Variants in STXBP5L observed in about 807,000 individuals in gnomAD.
STXBP5L encodes the protein syntaxin binding protein 5L.
A neutral mutation model predicts 144.5 loss-of-function variants in STXBP5L; 65 were observed. The observed-to-expected ratio is 0.45, with a 90% CI of 0.37 to 0.55. STXBP5L has a LOEUF of 0.55. STXBP5L is among the 20% of genes least tolerant of loss of function. The probability of loss-of-function intolerance (pLI) is 0.00; values close to 1 mark genes in which losing one functional copy is unlikely to be tolerated. For missense variants in STXBP5L, 1,298 were observed against 1,405.5 expected, an observed-to-expected ratio of 0.92 and a Z score of 1.22; for synonymous variants, 505 against 469.6, an observed-to-expected ratio of 1.08 and a Z score of -0.97.
chr3:121,358,600 C>T (rs893234250), intron 20 of STXBP5L, among the ~76,000 whole-genome samples: 2 of 152,190 alleles, frequency 1.3e-5, no homozygotes, highest in African/African-American at 2.4e-5. Context: ...TCACCTCCCA[C>T]CAGGCCCCAC....
At chr3:120,984,543 G>A (rs1942104294) in intron 3 of STXBP5L, among the ~76,000 whole-genome samples, 2 of 150,806 alleles carry the variant, frequency 1.3e-5, no homozygotes, top group African/African-American at 2.4e-5. Context: ...GAATCTTTAG[G>A]GTTTTACATA....
chr3:120,962,754 A>G (rs1559917143), intron 3 of STXBP5L, among the ~76,000 whole-genome samples: 1 of 152,220 alleles, frequency 6.6e-6, no homozygotes, highest in Non-Finnish European at 1.5e-5. Context: ...TGTCTTGGCA[A>G]TGCAGGCCCT....
intron 20 of STXBP5L, among the ~76,000 whole-genome samples, chr3:121,328,216 A>G (rs1459447902): frequency 6.6e-6 from 1 of 152,178 alleles, no homozygotes; most frequent in African/African-American, 2.4e-5. Context: ...CTTGCCAATT[A>G]AGTTTAATAA....
intron 9 of STXBP5L, among the ~76,000 whole-genome samples, chr3:121,196,087 T>A (rs2047907652): frequency 6.6e-6 from 1 of 152,108 alleles, no homozygotes; most frequent in Admixed American, 6.6e-5. Context: ...CTGTAGAGTA[T>A]TTCTTTGGTA....
chr3:121,424,726 T>C lies in STXBP5L; in HGVS notation c.*5629T>C, dbSNP rs2047424315. The stretch of plus-strand genomic sequence containing the variant: ...TACTTAACAAAATTCTTGTAGTCTG[T>C]AGAGATATCAATAAAATTGTATATG... On this transcript the variant is annotated 3_prime_UTR_variant, in exon 27 of 27. Coordinates refer to ENST00000471454, the MANE Select transcript of STXBP5L (RefSeq NM_001308330.2). The C allele has an allele frequency of 1.3e-5, 2 of 152,212 alleles. No individual in the cohort carries two copies. The highest frequency in any genetic ancestry group is 2.9e-5 in the Non-Finnish European group (2 of 68,038). The allele number at this position is 152,212 out of a possible 1,614,324, so 9.4% of individuals were successfully genotyped here.
intron 10 of STXBP5L, among the ~76,000 whole-genome samples, chr3:121,207,181 A>G (rs1050275822): frequency 3.3e-5 from 5 of 152,172 alleles, no homozygotes; most frequent in African/African-American, 1.2e-4. Context: ...AACACCACAC[A>G]TCTACAACTA....
intron 10 of STXBP5L, among the ~76,000 whole-genome samples, chr3:121,214,363 C>G (rs1577229354): frequency 6.6e-6 from 1 of 152,168 alleles, no homozygotes; most frequent in East Asian, 1.9e-4. Context: ...AAATTTCTCT[C>G]TAAACACTGA....
intron 19 of STXBP5L, among the ~76,000 whole-genome samples, chr3:121,299,652 C>G (rs116050986): frequency 1.3e-5 from 2 of 152,010 alleles, no homozygotes; most frequent in Non-Finnish European, 2.9e-5. Flanking sequence ...TGAAAAACAT[C>G]AACTTAAAGA....
rs188990127 is a variant in STXBP5L, at chr3:121,211,260, T to C, written c.956+5259T>C. On this transcript the variant is annotated intron_variant, in intron 10 of 26. Coordinates refer to ENST00000471454, the MANE Select transcript of STXBP5L (RefSeq NM_001308330.2). ...TATTGGTGTATAGGAATTCTTGTGA[T>C]TTTTGAACGTTGATTTTTTATCCTG... Among the ~76,000 whole-genome samples the C allele has an allele frequency of 2.3e-3, 351 of 152,284 alleles. 1 individual carries two copies. The highest frequency in any genetic ancestry group is 7.4e-3 in the African/African-American group (307 of 41,540).
chr3:121,104,212 C>T (rs867263569), intron 5 of STXBP5L, among the ~76,000 whole-genome samples: 5 of 152,014 alleles, frequency 3.3e-5, no homozygotes, highest in Non-Finnish European at 7.4e-5. Context: ...TGGTAGGTAA[C>T]AAATAATATC....
chr3:121,248,287 C>T (rs2049921428), intron 14 of STXBP5L, among the ~76,000 whole-genome samples: 2 of 152,198 alleles, frequency 1.3e-5, no homozygotes, highest in African/African-American at 4.8e-5. Flanking sequence ...TGGTCTAGAA[C>T]TCCTGACCTC....
At position 121,096,471 on chromosome 3, in the gene STXBP5L, G is replaced by C. The variant is rs142558331; in HGVS notation, c.471-18454G>C. ...TGGAATTTTCAGCCACTTTGCACTG[G>C]TTTCTCCCCATCTTCATGGATTTAT... On this transcript the variant is annotated intron_variant, in intron 5 of 26. Transcript: ENST00000471454. Among the ~76,000 whole-genome samples the C allele has an allele frequency of 4.2e-3, 646 of 152,200 alleles. 5 individuals are homozygous for C. Among genetic ancestry groups the C allele is most frequent in the African/African-American group, 0.015 (616 of 41,516 alleles).
intron 10 of STXBP5L, among the ~76,000 whole-genome samples, chr3:121,218,141 G>A (rs1465130523): frequency 1.5e-5 from 2 of 137,836 alleles, no homozygotes; most frequent in African/African-American, 2.7e-5. Context: ...GTAGTATAAT[G>A]TAATGTAATA....
intron 5 of STXBP5L, among the ~76,000 whole-genome samples, chr3:121,051,089 T>G (rs1947945900): frequency 6.6e-6 from 1 of 152,118 alleles, no homozygotes; most frequent in African/African-American, 2.4e-5. Flanking sequence ...ATAAAGGAAG[T>G]CCTGAGTGAC....
Position 121,412,858 on chromosome 3 carries a change from A to AC in STXBP5L, c.2949-297dup, listed in dbSNP as rs1335656757. 2.6e-5 allele frequency among the ~76,000 whole-genome samples: 4 copies of AC among 151,996 alleles called. No homozygotes were observed. In the East Asian group the frequency reaches 7.7e-4, roughly 29 times the overall value. On this transcript the variant is annotated intron_variant, in intron 23 of 26. Coordinates refer to ENST00000471454, the MANE Select transcript of STXBP5L (RefSeq NM_001308330.2). ...GCTCAAGCCTGGCCAACATGGCAAAACCCTGTCTCTACTAAAAATACAAAA... is the reference window on the plus strand; with the variant it reads ...GCTCAAGCCTGGCCAACATGGCAAAACCCCTGTCTCTACTAAAAATACAAAA...
At chr3:121,033,781 T>C (rs1389626631) in intron 3 of STXBP5L, among the ~76,000 whole-genome samples, 3 of 151,924 alleles carry the variant, frequency 2.0e-5, no homozygotes, top group African/African-American at 7.2e-5. Flanking sequence ...TAAAATTATA[T>C]ACTTTGAGTT....
chr3:121,395,524 A>T (rs1267466900), intron 22 of STXBP5L, among the ~76,000 whole-genome samples: 2 of 152,184 alleles, frequency 1.3e-5, no homozygotes, highest in African/African-American at 4.8e-5. Context: ...TTTTGTTTAC[A>T]AATAGGTTTT....
chr3:121,021,449 C>A (rs1945545471), intron 3 of STXBP5L, among the ~76,000 whole-genome samples: 1 of 152,162 alleles, frequency 6.6e-6, no homozygotes, highest in Non-Finnish European at 1.5e-5. Context: ...TTCTACCCAA[C>A]AACTGCAGAA....
At chr3:120,919,151 C>T (rs374824813) in intron 2 of STXBP5L, among the ~76,000 whole-genome samples, 2 of 151,998 alleles carry the variant, frequency 1.3e-5, no homozygotes, top group Non-Finnish European at 1.5e-5. Context: ...GGTGGATTCT[C>T]AACGTTACTG....
Sources: gnomAD v4.1 joint callset for allele counts (sites outside exome capture counted in the v4.1 genomes callset) on GRCh38, gnomAD v4.1.1 for gene constraint, MANE v1.5 for transcripts, NCBI Gene and HGNC (gene_info 2026-07-23, HGNC 2026-07-21) for gene names.